Variants in RAB35 observed in about 807,000 individuals in gnomAD.
The protein encoded by RAB35 is RAB35, member RAS oncogene family, also known as ras-related protein Rab-35.
In RAB35, 4 loss-of-function variants were observed where a neutral mutation model predicts 28.9. That is an observed-to-expected ratio of 0.14 (90% confidence interval 0.07 to 0.32). RAB35 has a LOEUF of 0.32. RAB35 is among the 10% of genes least tolerant of loss of function. RAB35 has a pLI of 1.00. For missense variants in RAB35, 128 were observed against 274.0 expected, an observed-to-expected ratio of 0.47 and a Z score of 3.76; for synonymous variants, 99 against 105.1, an observed-to-expected ratio of 0.94 and a Z score of 0.35.
At chr12:120,114,083 T>A (rs540913265) in intron 1 of RAB35, among the ~76,000 whole-genome samples, 5 of 152,224 alleles carry the variant, frequency 3.3e-5, no homozygotes, top group Middle Eastern at 3.4e-3. Flanking sequence ...GTAAGTCACC[T>A]CCTCTGAGCC....
intron 1 of RAB35, among the ~76,000 whole-genome samples, chr12:120,113,547 G>T (rs1036054180): frequency 2.6e-5 from 4 of 152,124 alleles, no homozygotes; most frequent in Non-Finnish European, 5.9e-5. Flanking sequence ...GGCCGGGCGC[G>T]GTGGCTCACG....
intron 3 of RAB35, among the ~76,000 whole-genome samples, chr12:120,102,309 C>A (rs1161425738): frequency 6.6e-6 from 1 of 152,236 alleles, no homozygotes; most frequent in Non-Finnish European, 1.5e-5. Flanking sequence ...GCGCCCAGAC[C>A]AGCCAACGGC....
chr12:120,106,591 C>CTTT (rs10709764), intron 2 of RAB35, among the ~76,000 whole-genome samples: 1 of 102,744 alleles, frequency 9.7e-6, no homozygotes, highest in Admixed American at 1.1e-4. Flanking sequence ...CTTTCTTTTT[C>CTTT]TTTTTTTTTT....
intron 1 of RAB35, among the ~76,000 whole-genome samples, chr12:120,111,753 C>G (rs1217856056): frequency 6.6e-6 from 1 of 151,998 alleles, no homozygotes; most frequent in Non-Finnish European, 1.5e-5. Flanking sequence ...GGACCTGACA[C>G]CAACCTCTGA....
chr12:120,096,926 G>T lies in RAB35; in HGVS notation c.*319C>A. The T allele has an allele frequency of 7.4e-7, 1 of 1,351,162 alleles. No individual in the cohort carries two copies. The allele number at this position is 1,351,162 out of a possible 1,614,324, so 83.7% of individuals were successfully genotyped here. A position where few individuals can be genotyped will look rare whatever the true frequency, so the allele number is the denominator to read the frequency against. On this transcript the variant is annotated 3_prime_UTR_variant, in exon 6 of 6. Coordinates refer to ENST00000229340, the MANE Select transcript of RAB35 (RefSeq NM_006861.7). ...GAAGGCAAAAGCCAGAGCAGGACGT[G>T]GTGTGCGGCCGGGTAGAGCAATATA...
intron 1 of RAB35, among the ~76,000 whole-genome samples, chr12:120,111,784 G>C (rs777807497): frequency 6.6e-6 from 1 of 151,986 alleles, no homozygotes; most frequent in East Asian, 1.9e-4. Flanking sequence ...CCTTTGAGAG[G>C]AACAGAAACC....
At position 120,107,131 on chromosome 12, in the gene RAB35, G is replaced by GGC. The variant is rs1875917388; in HGVS notation, c.103+1285_103+1286insGC. Reference sequence around the variant, plus strand: ...AGCCTCCCCAGTCGCTAGGATTATAGGTATGCACCACCACGCCCAGCTAAT... The same window carrying GGC: ...AGCCTCCCCAGTCGCTAGGATTATAGGCGTATGCACCACCACGCCCAGCTAAT... On this transcript the variant is annotated intron_variant, in intron 2 of 5. Transcript: ENST00000229340. 4.6e-5 allele frequency among the ~76,000 whole-genome samples: 7 copies of GGC among 151,922 alleles called. 1 individual carries two copies. The highest frequency in any genetic ancestry group is 3.9e-4 in the Admixed American group (6 of 15,236).
At chr12:120,104,119 C>T (rs1461771428) in intron 2 of RAB35, among the ~76,000 whole-genome samples, 170 bp from the exon 3 acceptor site, 1 of 152,054 alleles carries the variant, frequency 6.6e-6, no homozygotes, top group Non-Finnish European at 1.5e-5. Flanking sequence ...TTCACAAGGC[C>T]CCTCCACACA....
intron 3 of RAB35, among the ~76,000 whole-genome samples, chr12:120,100,168 C>T (rs1396917531): frequency 6.6e-6 from 1 of 152,252 alleles, no homozygotes; most frequent in Non-Finnish European, 1.5e-5. Flanking sequence ...CAGCCCAAGT[C>T]AGCGCAGGCT....
At position 120,114,388 on chromosome 12, in the gene RAB35, C is replaced by T. The variant is rs148141933; in HGVS notation, c.52+2211G>A. Among the ~76,000 whole-genome samples, 328 of 152,352 alleles carry T rather than the reference C, an allele frequency of 2.2e-3. 1 individual carries two copies. The highest frequency in any genetic ancestry group is 7.6e-3 in the African/African-American group (314 of 41,572). On this transcript the variant is annotated intron_variant, in intron 1 of 5. Transcript: ENST00000229340. The stretch of plus-strand genomic sequence containing the variant: ...GATTACAGGCGTGAGCCACCGCGCC[C>T]GGCCTTAAGCCTTAGTTTCCTTATT...
intron 2 of RAB35, among the ~76,000 whole-genome samples, chr12:120,107,866 C>CAAAAAAAAAAA (rs57274207): frequency 1.6e-4 from 5 of 31,970 alleles, no homozygotes; most frequent in Non-Finnish European, 2.8e-4. Flanking sequence ...GACTCCATCT[C>CAAAAAAAAAAA]AAAAAAAAAA....
rs1365991543 is a variant in RAB35, at chr12:120,097,085, A to C, written c.*160T>G. 7.0e-6 allele frequency: 11 copies of C among 1,561,814 alleles called. No individual in the cohort carries two copies. Reference sequence around the variant, plus strand: ...TCCAACACCTTCTTGGCACTCGAGGAGGGCGGGGGAGGAAGTGCCGATGGC... The same window carrying C: ...TCCAACACCTTCTTGGCACTCGAGGCGGGCGGGGGAGGAAGTGCCGATGGC... On this transcript the variant is annotated 3_prime_UTR_variant, in exon 6 of 6. Coordinates refer to ENST00000229340, the MANE Select transcript of RAB35 (RefSeq NM_006861.7).
At chr12:120,102,951 G>A (rs1875718009) in intron 3 of RAB35, among the ~76,000 whole-genome samples, 1 of 152,150 alleles carries the variant, frequency 6.6e-6, no homozygotes, top group Non-Finnish European at 1.5e-5. Context: ...GGCGCCCTCT[G>A]TCAAATGGGA....
chr12:120,102,174 C>T (rs961912918), intron 3 of RAB35, among the ~76,000 whole-genome samples: 1 of 152,210 alleles, frequency 6.6e-6, no homozygotes, highest in African/African-American at 2.4e-5. Flanking sequence ...GCTTCATCCT[C>T]CCTGGGCCTG....
rs1182465878 is a variant in RAB35, at chr12:120,095,106, G to A, written c.*2139C>T. ...ACAGACCCTGGAAGAAAATTTGGCA[G>A]CTTGAACCTTTATTTTTAGTATTTT... On this transcript the variant is annotated 3_prime_UTR_variant, in exon 6 of 6. Transcript: ENST00000229340. 6.6e-6 allele frequency: 1 copy of A among 152,244 alleles called. No homozygotes were observed. Among genetic ancestry groups the A allele is most frequent in the Non-Finnish European group, 1.5e-5 (1 of 68,038 alleles). The allele number at this position is 152,244 out of a possible 1,614,324, so 9.4% of individuals were successfully genotyped here.
intron 1 of RAB35, among the ~76,000 whole-genome samples, chr12:120,111,902 A>T (rs1306750690): frequency 6.6e-6 from 1 of 151,212 alleles, no homozygotes; most frequent in Non-Finnish European, 1.5e-5. Context: ...AGCAGAGGGC[A>T]CCCACCAACC....
At position 120,095,284 on chromosome 12, in the gene RAB35, C is replaced by G. The variant is rs1027468522; in HGVS notation, c.*1961G>C. 1.4e-5 allele frequency: 2 copies of G among 146,026 alleles called. No homozygotes were observed. The highest frequency in any genetic ancestry group is 2.5e-5 in the African/African-American group (1 of 39,246). 9.0% of individuals were successfully genotyped at this position (146,026 alleles called of 1,614,324 possible). Reference sequence around the variant, plus strand: ...CCCCACCCCATAACCCCCATTCATGCGTGTAACAGTGGGACAGGCACACTG... The same window carrying G: ...CCCCACCCCATAACCCCCATTCATGGGTGTAACAGTGGGACAGGCACACTG... On this transcript the variant is annotated 3_prime_UTR_variant, in exon 6 of 6. Transcript: ENST00000229340.
At chr12:120,100,331 A>G (rs1875608708) in intron 3 of RAB35, among the ~76,000 whole-genome samples, 1 of 152,248 alleles carries the variant, frequency 6.6e-6, no homozygotes, top group Non-Finnish European at 1.5e-5. Flanking sequence ...GCCCTTGGGA[A>G]GGTGCCTGCA....
At chr12:120,109,853 T>C (rs1449369680) in intron 1 of RAB35, among the ~76,000 whole-genome samples, 1 of 152,112 alleles carries the variant, frequency 6.6e-6, no homozygotes, top group East Asian at 1.9e-4. Context: ...CAAGTACACC[T>C]GTTCCATGTC....
Sources: gnomAD v4.1 joint callset for allele counts (sites outside exome capture counted in the v4.1 genomes callset) on GRCh38, gnomAD v4.1.1 for gene constraint, MANE v1.5 for transcripts, NCBI Gene and HGNC (gene_info 2026-07-23, HGNC 2026-07-21) for gene names.